The following GIGYF2 variants were observed in gnomAD, a reference collection of about 807,000 sequenced individuals.
GIGYF2 encodes GRB10-interacting GYF protein 2.
GIGYF2 carries 25 observed loss-of-function variants against 208.1 expected under a neutral mutation model. The observed-to-expected ratio is 0.12, with a 90% CI of 0.09 to 0.17. GIGYF2 has a LOEUF of 0.17. Ranked by LOEUF, GIGYF2 falls within the 10% of genes least tolerant of loss-of-function variation. The pLI is 1.00. For synonymous variants in GIGYF2, 534 were observed against 543.8 expected (o/e 0.98, Z 0.25); for missense variants, 1,302 against 1,579.4 (o/e 0.82, Z 2.98).
intron 2 of GIGYF2, among the ~76,000 whole-genome samples, chr2:232,733,876 C>T (rs528319550): frequency 5.4e-4 from 82 of 152,178 alleles, no homozygotes; most frequent in African/African-American, 1.9e-3. Flanking sequence ...TTGGTACAGA[C>T]GCAATTAAAA....
intron 22 of GIGYF2, among the ~76,000 whole-genome samples, chr2:232,839,479 C>T (rs114999930): frequency 0.013 from 1,990 of 152,232 alleles, 34 homozygotes; most frequent in African/African-American, 0.045. Flanking sequence ...TTGTTGCTTT[C>T]GTCAATTAAA....
intron 6 of GIGYF2, among the ~76,000 whole-genome samples, chr2:232,759,797 G>T (rs1203098183): frequency 6.6e-6 from 1 of 151,726 alleles, no homozygotes; most frequent in Non-Finnish European, 1.5e-5. Flanking sequence ...TAACCAAATT[G>T]CCTTCAGTAA....
At chr2:232,849,813 G>A (rs114382474) in intron 27 of GIGYF2, among the ~76,000 whole-genome samples, 1,863 of 152,298 alleles carry the variant, frequency 0.012, 44 homozygotes, top group African/African-American at 0.042. Context: ...ATAGGAATAA[G>A]GTACACGACT....
At chr2:232,750,880 A>T (rs986364794) in intron 5 of GIGYF2, among the ~76,000 whole-genome samples, 3 of 152,162 alleles carry the variant, frequency 2.0e-5, no homozygotes, top group Non-Finnish European at 4.4e-5. Context: ...CCCAGGCTGT[A>T]GTACAGCGGC....
chr2:232,753,780 C>T (rs964593602), intron 5 of GIGYF2, among the ~76,000 whole-genome samples: 25 of 152,120 alleles, frequency 1.6e-4, no homozygotes, highest in African/African-American at 4.6e-4. Context: ...TTGGCCTCTC[C>T]GTGTTCCTAA....
chr2:232,782,376 C>G (rs1201471043), intron 8 of GIGYF2, among the ~76,000 whole-genome samples: 3 of 152,094 alleles, frequency 2.0e-5, no homozygotes, highest in South Asian at 4.1e-4. Context: ...AGTACTATTT[C>G]TTTGGGAAAA....
intron 2 of GIGYF2, among the ~76,000 whole-genome samples, chr2:232,709,006 C>T: frequency 6.6e-6 from 1 of 152,038 alleles, no homozygotes; most frequent in Non-Finnish European, 1.5e-5. Flanking sequence ...CCTGTAATCC[C>T]AGCTACGCGG....
chr2:232,810,852 G>T (rs1341528337), intron 16 of GIGYF2: 1 of 217,704 alleles, frequency 4.6e-6, no homozygotes, highest in African/African-American at 2.3e-5. Flanking sequence ...TTTTTACAAA[G>T]GGTACGTCAT....
intron 22 of GIGYF2, among the ~76,000 whole-genome samples, chr2:232,835,319 T>C (rs1701550174): frequency 6.6e-6 from 1 of 152,244 alleles, no homozygotes; most frequent in Non-Finnish European, 1.5e-5. Context: ...AAATATCATC[T>C]ATCTCTTTAT....
At chr2:232,735,324 T>G (rs998776614) in intron 3 of GIGYF2, 86 bp downstream of exon 3, 1 of 960,788 alleles carries the variant, frequency 1.0e-6, no homozygotes, top group Non-Finnish European at 1.7e-6. Flanking sequence ...GGTTTATAAA[T>G]GTGCATGTTT....
chr2:232,778,826 T>G (rs1013520675), intron 8 of GIGYF2, among the ~76,000 whole-genome samples: 2 of 152,104 alleles, frequency 1.3e-5, no homozygotes, highest in African/African-American at 4.8e-5. Context: ...AGTTGTCTAG[T>G]TATTGAGATA....
At chr2:232,723,436 T>TC (rs1292760569) in intron 2 of GIGYF2, among the ~76,000 whole-genome samples, 1 of 149,182 alleles carries the variant, frequency 6.7e-6, no homozygotes, top group Non-Finnish European at 1.5e-5. Context: ...TCTTTTCTTT[T>TC]TTTTTTTTTT....
At chr2:232,702,204 T>C (rs2012423) in intron 1 of GIGYF2, among the ~76,000 whole-genome samples, 99,806 of 151,892 alleles carry the variant, frequency 0.66, 33,067 homozygotes, top group South Asian at 0.79. Flanking sequence ...TCTGGGAGGC[T>C]GAGGTGGGTG....
At position 232,806,728 on chromosome 2, in the gene GIGYF2, C is replaced by A; in HGVS notation, c.1806+71C>A. On this transcript the variant is annotated intron_variant, in intron 15 of 28. Transcript: ENST00000373563. The surrounding 1 kb of genome is among the most constrained non-coding windows in gnomAD (Gnocchi z 4.0). Reference sequence around the variant, plus strand: ...CACTTGATTCTCTTTGAAAACACAACCCAAATATATCATCTAATGAAGGAA... The same window carrying A: ...CACTTGATTCTCTTTGAAAACACAAACCAAATATATCATCTAATGAAGGAA... 9.9e-7 allele frequency: 1 copy of A among 1,014,334 alleles called. No homozygotes were observed. The highest frequency in any genetic ancestry group is 1.6e-6 in the Non-Finnish European group (1 of 635,250). 62.8% of individuals were successfully genotyped at this position (1,014,334 alleles called of 1,614,324 possible). A position where few individuals can be genotyped will look rare whatever the true frequency, so the allele number is the denominator to read the frequency against.
At chr2:232,735,565 T>A (rs150435042) in intron 3 of GIGYF2, 5,202 of 325,708 alleles carry the variant, frequency 0.016, 52 homozygotes, top group South Asian at 0.022. Flanking sequence ...AACATTTTTA[T>A]GTCTGTATGT....
chr2:232,742,812 C>T (rs562610495), intron 3 of GIGYF2, among the ~76,000 whole-genome samples: 245 of 152,138 alleles, frequency 1.6e-3, no homozygotes, highest in South Asian at 2.7e-3. Context: ...TTGGGATGTC[C>T]TTAACTATGT....
At chr2:232,763,493 A>G (rs1480152576) in intron 8 of GIGYF2, among the ~76,000 whole-genome samples, 1 of 151,980 alleles carries the variant, frequency 6.6e-6, no homozygotes, top group Non-Finnish European at 1.5e-5. Flanking sequence ...GTAATAACTA[A>G]TAATAAAATA....
intron 2 of GIGYF2, among the ~76,000 whole-genome samples, chr2:232,720,661 C>A (rs1696901751): frequency 6.6e-6 from 1 of 151,470 alleles, no homozygotes; most frequent in Non-Finnish European, 1.5e-5. Flanking sequence ...ATGGCGTGAT[C>A]TCAGCTTACT....
At chr2:232,727,660 G>A (rs918356109) in intron 2 of GIGYF2, among the ~76,000 whole-genome samples, 21 of 152,216 alleles carry the variant, frequency 1.4e-4, no homozygotes, top group African/African-American at 4.3e-4. Flanking sequence ...CTCTACCTCT[G>A]TGGTCTTTCT....
Sources: allele counts gnomAD v4.1 joint callset (sites outside exome capture counted in the v4.1 genomes callset), GRCh38; gene constraint gnomAD v4.1.1; non-coding constraint Gnocchi (gnomAD v3.1); transcripts MANE v1.5; gene names NCBI Gene and HGNC (gene_info 2026-07-23, HGNC 2026-07-21).